The following ZNF131 variants were observed in gnomAD, a reference collection of about 807,000 sequenced individuals.
The protein encoded by ZNF131 is zinc finger protein 131.
Under a neutral mutation model 60.0 loss-of-function variants are expected in ZNF131, and 7 were observed. That is an observed-to-expected ratio of 0.12 (90% CI 0.07 to 0.22). ZNF131 has a LOEUF of 0.22. ZNF131 is among the 10% of genes least tolerant of loss of function. The pLI is 1.00. For synonymous variants in ZNF131, 257 were observed against 253.2 expected, an observed-to-expected ratio of 1.01 and a Z score of -0.14; for missense variants, 493 against 740.9, an observed-to-expected ratio of 0.67 and a Z score of 3.88.
intron 5 of ZNF131, chr5:43,167,816 TG>T (rs1413196339): frequency 6.2e-6 from 2 of 322,558 alleles, no homozygotes; most frequent in African/African-American, 2.2e-5. Flanking sequence ...AATGCCTGCC[TG>T]GGTTGCTTGT....
chr5:43,121,970 T>C, intron 1 of ZNF131, 69 bp from the exon 2 acceptor site: 1 of 1,509,940 alleles, frequency 6.6e-7, no homozygotes, highest in East Asian at 2.4e-5. Context: ...TGTTGTTGTT[T>C]TATGCTTTAG....
At chr5:43,128,909 C>T (rs1744943594) in intron 3 of ZNF131, among the ~76,000 whole-genome samples, 1 of 151,852 alleles carries the variant, frequency 6.6e-6, no homozygotes, top group Non-Finnish European at 1.5e-5. Flanking sequence ...GCCAGCTAGT[C>T]TTTGTATTTT....
In ZNF131 at chr5:43,175,244, G is replaced by T. The variant is rs1751454050; in HGVS notation, c.*111G>T. The T allele has an allele frequency of 9.1e-7, 1 of 1,097,854 alleles. No individual in the cohort carries two copies. The highest frequency in any genetic ancestry group is 1.3e-6 in the Non-Finnish European group (1 of 781,224). 68.0% of individuals were successfully genotyped at this position (1,097,854 alleles called of 1,614,324 possible). ...CAGACAAGTGGACCAAAGTTAAGCT[G>T]TTTCCTGTTGTGCTGAACTGTTGTC... is the stretch of plus-strand genomic sequence containing the variant. On this transcript the variant is annotated 3_prime_UTR_variant, in exon 7 of 7. Coordinates refer to ENST00000682664, the MANE Select transcript of ZNF131 (RefSeq NM_001330707.2).
intron 4 of ZNF131, among the ~76,000 whole-genome samples, chr5:43,144,144 G>A (rs1485400609): frequency 4.0e-5 from 6 of 148,900 alleles, no homozygotes; most frequent in African/African-American, 1.5e-4. Flanking sequence ...GGATGGTCTC[G>A]ATCTCCTGAC....
At position 43,121,875 on chromosome 5, in the gene ZNF131, G is replaced by T; in HGVS notation, c.-15-164G>T. On this transcript the variant is annotated intron_variant, in intron 1 of 6. Coordinates refer to ENST00000682664, the MANE Select transcript of ZNF131 (RefSeq NM_001330707.2). Reference sequence around the variant, plus strand: ...CCGCGGCTCCGGTCTCAACGCTCCGGGGCCGCTCGGCTCGCCTTTCTTCCC... The same window carrying T: ...CCGCGGCTCCGGTCTCAACGCTCCGTGGCCGCTCGGCTCGCCTTTCTTCCC... The T allele has an allele frequency of 4.1e-6, 3 of 733,924 alleles. No homozygotes were observed. The East Asian group carries it at 9.9e-5, about 24-fold the overall frequency. The allele number at this position is 733,924 out of a possible 1,614,324, so 45.5% of individuals were successfully genotyped here. A position where few individuals can be genotyped will look rare whatever the true frequency, so the allele number is the denominator to read the frequency against.
intron 3 of ZNF131, among the ~76,000 whole-genome samples, chr5:43,129,925 G>T (rs1015162063): frequency 1.3e-5 from 2 of 151,880 alleles, no homozygotes; most frequent in African/African-American, 4.8e-5. Flanking sequence ...CAAAGTGCTG[G>T]GATTAGAGGC....
intron 5 of ZNF131, among the ~76,000 whole-genome samples, chr5:43,170,428 T>C (rs992109524): frequency 6.6e-6 from 1 of 152,222 alleles, no homozygotes; most frequent in African/African-American, 2.4e-5. Flanking sequence ...CATTCAGTTA[T>C]TTACTCCTAC....
chr5:43,174,374 G>T, intron 6 of ZNF131, 73 bp from the exon 7 acceptor site: 1 of 1,305,526 alleles, frequency 7.7e-7, no homozygotes. Flanking sequence ...TTTCTTTACA[G>T]AGAATAAATG....
intron 2 of ZNF131, 69 bp downstream of exon 2, chr5:43,122,246 CTTTTT>C (rs35497367): frequency 4.2e-3 from 4,351 of 1,025,216 alleles, no homozygotes; most frequent in East Asian, 5.2e-3. Context: ...GGACACCCGC[CTTTTT>C]TTTTTTTTTT....
At chr5:43,164,974 A>G (rs1439462565) in intron 5 of ZNF131, among the ~76,000 whole-genome samples, 1 of 151,594 alleles carries the variant, frequency 6.6e-6, no homozygotes, top group East Asian at 1.9e-4. Context: ...CCTTTGAAAC[A>G]GGGTCTTGCT....
At chr5:43,160,065 G>A (rs10057588) in intron 4 of ZNF131, among the ~76,000 whole-genome samples, 95,872 of 150,350 alleles carry the variant, frequency 0.64, 31,161 homozygotes, top group East Asian at 0.83. Context: ...AGTCCCAGCT[G>A]CTTGGGAGGC....
chr5:43,128,127 T>C (rs1246904904), intron 3 of ZNF131, among the ~76,000 whole-genome samples: 2 of 152,250 alleles, frequency 1.3e-5, no homozygotes, highest in Non-Finnish European at 2.9e-5. Flanking sequence ...TTGTTCACTT[T>C]AACATTTTCC....
At chr5:43,154,407 C>T (rs1224206575) in intron 4 of ZNF131, among the ~76,000 whole-genome samples, 1 of 151,430 alleles carries the variant, frequency 6.6e-6, no homozygotes, top group African/African-American at 2.4e-5. Context: ...GAGCGAGACT[C>T]CGTCTCCAAA....
At chr5:43,147,964 G>A (rs1228260183) in intron 4 of ZNF131, among the ~76,000 whole-genome samples, 1 of 150,288 alleles carries the variant, frequency 6.7e-6, no homozygotes, top group Admixed American at 6.6e-5. Flanking sequence ...TGAGGCAGGA[G>A]AATCACTTGA....
chr5:43,133,415 G>A (rs1003429372), intron 3 of ZNF131, among the ~76,000 whole-genome samples: 1 of 152,130 alleles, frequency 6.6e-6, no homozygotes, highest in Admixed American at 6.5e-5. Flanking sequence ...GCAGTGAGTC[G>A]AGATCACGCC....
chr5:43,138,115 G>GT (rs1746358756), intron 3 of ZNF131, among the ~76,000 whole-genome samples: 1 of 152,202 alleles, frequency 6.6e-6, no homozygotes, highest in Admixed American at 6.5e-5. Context: ...TTACTAATCA[G>GT]TGGGCATAAA....
chr5:43,138,730 T>A (rs1472241266), intron 3 of ZNF131, among the ~76,000 whole-genome samples: 1 of 152,120 alleles, frequency 6.6e-6, no homozygotes, highest in Non-Finnish European at 1.5e-5. Context: ...GTGTGTGATG[T>A]CGTTTAAAAT....
At chr5:43,170,141 A>C (rs183288748) in intron 5 of ZNF131, among the ~76,000 whole-genome samples, 2 of 151,858 alleles carry the variant, frequency 1.3e-5, no homozygotes, top group Non-Finnish European at 2.9e-5. Flanking sequence ...CTCACTGATA[A>C]TGAAAAATTA....
chr5:43,149,882 C>G (rs1748083742), intron 4 of ZNF131, among the ~76,000 whole-genome samples: 3 of 151,792 alleles, frequency 2.0e-5, no homozygotes, highest in Admixed American at 2.0e-4. Flanking sequence ...GGATTATTGT[C>G]AAGAAGGGGG....
Sources: allele counts gnomAD v4.1 joint callset (sites outside exome capture counted in the v4.1 genomes callset), GRCh38; gene constraint gnomAD v4.1.1; transcripts MANE v1.5; gene names NCBI Gene and HGNC (gene_info 2026-07-23, HGNC 2026-07-21).